The following SCGB2B2 variants were observed in gnomAD, a reference collection of about 807,000 sequenced individuals.
The protein encoded by SCGB2B2 is secretoglobin-like protein.
In SCGB2B2, 11 loss-of-function variants were observed where a neutral mutation model predicts 7.6. The observed-to-expected ratio is 1.45, with a 90% CI of 0.91 to 2.40. The LOEUF is 2.40. Among genes scored for constraint, SCGB2B2 ranks in the 30% most tolerant of loss-of-function variants. The pLI is 0.00. For missense variants in SCGB2B2, 104 were observed against 115.4 expected, an observed-to-expected ratio of 0.90 and a Z score of 0.45; for synonymous variants, 50 against 48.6, an observed-to-expected ratio of 1.03 and a Z score of -0.12.
At chr19:34,661,554 C>T (rs1328154512) in intron 1 of SCGB2B2, among the ~76,000 whole-genome samples, 1 of 152,212 alleles carries the variant, frequency 6.6e-6, no homozygotes, top group African/African-American at 2.4e-5. Context: ...CTAAGTAAAG[C>T]TTTAGTGTGT....
chr19:34,632,642 T>C (rs1208191488), intron 1 of SCGB2B2: 3 of 152,226 alleles, frequency 2.0e-5, no homozygotes, highest in Admixed American at 2.0e-4. Flanking sequence ...CTCGTAACAC[T>C]GTGGAGAGAA....
At chr19:34,629,539 T>C (rs1346293574) in intron 1 of SCGB2B2, among the ~76,000 whole-genome samples, 2 of 151,694 alleles carry the variant, frequency 1.3e-5, no homozygotes, top group Admixed American at 6.6e-5. Flanking sequence ...GAAAATAAAA[T>C]ACCTAGGAAT....
chr19:34,639,672 A>C (rs1463526197), intron 1 of SCGB2B2, among the ~76,000 whole-genome samples: 1 of 152,102 alleles, frequency 6.6e-6, no homozygotes, highest in Non-Finnish European at 1.5e-5. Flanking sequence ...TTCTGCTCAA[A>C]CACCACCAGG....
rs2067534775 is a variant in SCGB2B2 at position 34,663,890 on chromosome 19, C to T, written c.-2032+11740G>A. Among the ~76,000 whole-genome samples the T allele has an allele frequency of 4.6e-5, 7 of 152,186 alleles. No homozygotes were observed. In the South Asian group the frequency reaches 1.5e-3, roughly 32 times the overall value. On this transcript the variant is annotated intron_variant, in intron 1 of 3. Coordinates refer to ENST00000601241, the MANE Select transcript of SCGB2B2 (RefSeq NM_001025591.4). ...ACAGGAGAGGACTGGGGGGAAGAGA[C>T]AATGGGGAGAAGGAGGGAGTGTGAG...
At chr19:34,643,232 T>C (rs867326849) in intron 1 of SCGB2B2, among the ~76,000 whole-genome samples, 5 of 152,296 alleles carry the variant, frequency 3.3e-5, no homozygotes, top group Middle Eastern at 3.4e-3. Context: ...CCCTATATTA[T>C]TACTATAAAA....
rs147799786 is a variant in SCGB2B2 at position 34,658,531 on chromosome 19, C to T, written c.-2032+17099G>A. Among the ~76,000 whole-genome samples the T allele has an allele frequency of 2.8e-4, 42 of 152,230 alleles. No individual in the cohort carries two copies. The East Asian group carries it at 6.8e-3, about 24-fold the overall frequency. ...ATGGATAAATTCCTGGACACATACGCTCTCCCAAGACTAAACCAGGAAGAA... is the reference window on the plus strand; with the variant it reads ...ATGGATAAATTCCTGGACACATACGTTCTCCCAAGACTAAACCAGGAAGAA... On this transcript the variant is annotated intron_variant, in intron 1 of 3. Transcript: ENST00000601241.
chr19:34,645,504 A>G, intron 1 of SCGB2B2: 1 of 155,804 alleles, frequency 6.4e-6, no homozygotes. Flanking sequence ...ATGTGCATAC[A>G]CAGACACACA....
At chr19:34,661,643 T>C (rs566245081) in intron 1 of SCGB2B2, among the ~76,000 whole-genome samples, 3 of 148,278 alleles carry the variant, frequency 2.0e-5, no homozygotes, top group South Asian at 2.2e-4. Flanking sequence ...AAGCAAACTA[T>C]GTCCCTCTAT....
In SCGB2B2 at chr19:34,618,809, T is replaced by C. The variant is rs2066161102; in HGVS notation, c.-2031-22215A>G. On this transcript the variant is annotated intron_variant, in intron 1 of 3. Transcript: ENST00000601241. ...GATGGTAAACAAGCAATTTTAACCA[T>C]GTATCAGATTGCAGATCTCAGGATG... Among the ~76,000 whole-genome samples the C allele has an allele frequency of 4.6e-5, 7 of 152,204 alleles. No individual in the cohort carries two copies. In the South Asian group the frequency reaches 6.2e-4, roughly 14 times the overall value.
chr19:34,648,154 GC>G (rs1600064109), intron 1 of SCGB2B2, among the ~76,000 whole-genome samples: 1 of 152,330 alleles, frequency 6.6e-6, no homozygotes, highest in Admixed American at 6.5e-5. Context: ...ATATCCATTA[GC>G]CATCCAGGAG....
At chr19:34,622,405 A>G (rs897041889) in intron 1 of SCGB2B2, among the ~76,000 whole-genome samples, 10 of 152,196 alleles carry the variant, frequency 6.6e-5, no homozygotes, top group Non-Finnish European at 1.5e-5. Flanking sequence ...GGTGGTATAA[A>G]GGGCGAGTTA....
chr19:34,648,090 G>T (rs1158303480), intron 1 of SCGB2B2, among the ~76,000 whole-genome samples: 1 of 152,196 alleles, frequency 6.6e-6, no homozygotes, highest in Non-Finnish European at 1.5e-5. Flanking sequence ...GGAGAAGCAG[G>T]TTTAGGGCAA....
chr19:34,635,351 A>G, intron 1 of SCGB2B2: 1 of 294,500 alleles, frequency 3.4e-6, no homozygotes. Flanking sequence ...TGCATCTGTA[A>G]GCCCTTTCTC....
intron 1 of SCGB2B2, among the ~76,000 whole-genome samples, chr19:34,616,769 G>A (rs1291708752): frequency 6.6e-6 from 1 of 151,172 alleles, no homozygotes; most frequent in Non-Finnish European, 1.5e-5. Context: ...CCATGCCTAT[G>A]TCCTGAATGG....
intron 1 of SCGB2B2, among the ~76,000 whole-genome samples, chr19:34,675,127 AG>A (rs2067890897): frequency 6.6e-6 from 1 of 152,256 alleles, no homozygotes; most frequent in African/African-American, 2.4e-5. Flanking sequence ...CACACCTAGT[AG>A]ATTATTAAAC....
intron 1 of SCGB2B2, among the ~76,000 whole-genome samples, chr19:34,644,840 C>T (rs2066950873): frequency 6.6e-6 from 1 of 152,168 alleles, no homozygotes; most frequent in South Asian, 2.1e-4. Flanking sequence ...ATAATTAACA[C>T]AATATTTTAT....
chr19:34,625,842 C>T lies in SCGB2B2; in HGVS notation c.-2031-29248G>A, dbSNP rs373475301. 1.2e-4 allele frequency among the ~76,000 whole-genome samples: 18 copies of T among 152,276 alleles called. No individual in the cohort carries two copies. In the East Asian group the frequency reaches 2.9e-3, roughly 25 times the overall value. On this transcript the variant is annotated intron_variant, in intron 1 of 3. Transcript: ENST00000601241. ...CCTCCTCAAGTGGGTCCCTGACCCC[C>T]GAGTAGCCTAAATGGGAGGCACCCA...
intron 1 of SCGB2B2, among the ~76,000 whole-genome samples, chr19:34,652,113 T>G (rs192473825): frequency 1.3e-5 from 2 of 151,212 alleles, no homozygotes; most frequent in East Asian, 3.9e-4. Context: ...TATCTCTCAT[T>G]ATATTGATAA....
At chr19:34,596,820 G>T (rs2065471009) in intron 1 of SCGB2B2, among the ~76,000 whole-genome samples, 1 of 151,970 alleles carries the variant, frequency 6.6e-6, no homozygotes, top group Non-Finnish European at 1.5e-5. Context: ...CTGAGCAGCA[G>T]AGTCAGGGAA....
Sources: allele counts gnomAD v4.1 joint callset (sites outside exome capture counted in the v4.1 genomes callset), GRCh38; gene constraint gnomAD v4.1.1; transcripts MANE v1.5; gene names NCBI Gene and HGNC (gene_info 2026-07-23, HGNC 2026-07-21).